ERLIN2: variants seen among roughly 807,000 people sequenced by gnomAD.
The protein encoded by ERLIN2 is ER lipid raft associated 2.
In ERLIN2, 22 loss-of-function variants were observed where a neutral mutation model predicts 41.5. The ratio of observed to expected loss-of-function variants is 0.53; its 90% confidence interval spans 0.38 to 0.76. ERLIN2 has a LOEUF of 0.76. ERLIN2 is among the 30% of genes least tolerant of loss of function. The pLI, the probability that ERLIN2 is intolerant of heterozygous loss-of-function variation, is 0.00. For missense variants in ERLIN2, 247 were observed against 414.3 expected (o/e 0.60, Z 3.51); for synonymous variants, 149 against 150.9 (o/e 0.99, Z 0.09).
intron 9 of ERLIN2, among the ~76,000 whole-genome samples, chr8:37,751,343 G>C (rs1803214130): frequency 6.6e-6 from 1 of 152,232 alleles, no homozygotes; most frequent in Non-Finnish European, 1.5e-5. Flanking sequence ...AACCCTACTA[G>C]AGTACTTCAT....
At chr8:37,745,356 T>A (rs1051785077) in intron 6 of ERLIN2, 1 of 587,126 alleles carries the variant, frequency 1.7e-6, no homozygotes, top group Non-Finnish European at 3.0e-6. Context: ...ACAAAAAGAT[T>A]CCACGTGCCT....
At chr8:37,744,473 C>T (rs1014594317) in intron 5 of ERLIN2, 57 bp downstream of exon 5, 40 of 1,605,066 alleles carry the variant, frequency 2.5e-5, no homozygotes, top group East Asian at 1.8e-4. Context: ...ATGCCACTCC[C>T]GTGTCTGTTG....
At chr8:37,743,058 ACT>A (rs1386909406) in intron 4 of ERLIN2, among the ~76,000 whole-genome samples, 2 of 152,114 alleles carry the variant, frequency 1.3e-5, no homozygotes, top group African/African-American at 2.4e-5. Flanking sequence ...ACAAAGAAAC[ACT>A]CTGACAAATC....
intron 4 of ERLIN2, among the ~76,000 whole-genome samples, chr8:37,742,449 T>C (rs1008983467): frequency 2.6e-5 from 4 of 151,670 alleles, no homozygotes; most frequent in Non-Finnish European, 4.4e-5. Flanking sequence ...GTGATACATA[T>C]ATACTATGGA....
At chr8:37,746,494 T>G (rs1803055363) in intron 6 of ERLIN2, 1 of 979,754 alleles carries the variant, frequency 1.0e-6, no homozygotes, top group African/African-American at 1.8e-5. Context: ...AAATAATACC[T>G]ATGTATACAA....
chr8:37,737,541 T>C, intron 1 of ERLIN2: 1 of 302,918 alleles, frequency 3.3e-6, no homozygotes, highest in Non-Finnish European at 6.4e-6. Flanking sequence ...TGGGCCAAAG[T>C]ACTGCAGCTG....
At chr8:37,747,956 G>A (rs1803111561) in intron 6 of ERLIN2, 7 of 1,613,992 alleles carry the variant, frequency 4.3e-6, no homozygotes, top group Admixed American at 1.7e-5. Context: ...TATTCCTCCC[G>A]GTCCCGAGTG....
At chr8:37,750,731 T>C (rs1209715457) in intron 9 of ERLIN2, among the ~76,000 whole-genome samples, 1 of 152,152 alleles carries the variant, frequency 6.6e-6, no homozygotes, top group Non-Finnish European at 1.5e-5. Flanking sequence ...TCTTTCTTTT[T>C]TTTTTCTTTT....
At chr8:37,737,537 A>C (rs1308391681) in intron 1 of ERLIN2, 1 of 281,966 alleles carries the variant, frequency 3.5e-6, no homozygotes, top group East Asian at 8.8e-5. Flanking sequence ...AATTTGGGCC[A>C]AAGTACTGCA....
intron 10 of ERLIN2, among the ~76,000 whole-genome samples, chr8:37,752,087 A>G (rs1482291392): frequency 6.6e-6 from 1 of 152,158 alleles, no homozygotes; most frequent in Non-Finnish European, 1.5e-5. Flanking sequence ...TGCCTTAGCT[A>G]CTTCTGCTCC....
intron 6 of ERLIN2, chr8:37,745,638 A>T (rs369043316): frequency 6.2e-7 from 1 of 1,613,954 alleles, no homozygotes; most frequent in African/African-American, 1.3e-5. Context: ...TTCATAGCAG[A>T]CAGGAGGACT....
intron 2 of ERLIN2, among the ~76,000 whole-genome samples, chr8:37,739,789 C>G (rs1802787100): frequency 6.6e-6 from 1 of 151,748 alleles, no homozygotes; most frequent in East Asian, 1.9e-4. Flanking sequence ...TCTAAGTATA[C>G]CCATGGATTC....
chr8:37,742,163 G>A (rs1205423921), intron 4 of ERLIN2, among the ~76,000 whole-genome samples: 2 of 151,994 alleles, frequency 1.3e-5, no homozygotes, highest in Non-Finnish European at 2.9e-5. Context: ...CCAACATGGT[G>A]AAACCCCGTC....
intron 10 of ERLIN2, among the ~76,000 whole-genome samples, chr8:37,752,589 C>T (rs1803247303): frequency 6.6e-6 from 1 of 152,222 alleles, no homozygotes. Context: ...CTGCAGGTTC[C>T]TTCCACGCGG....
chr8:37,746,022 T>G, intron 6 of ERLIN2: 1 of 1,009,498 alleles, frequency 9.9e-7, no homozygotes, highest in Non-Finnish European at 1.2e-6. Flanking sequence ...ACTTCTTACT[T>G]TCTTACAGCT....
At position 37,753,789 on chromosome 8, in the gene ERLIN2, A is replaced by G. The variant is rs950740358; in HGVS notation, c.820-126A>G. ...ATCTGAGATGACTGTCTCTTACAGA[A>G]ATGTAACAATGAGACCACAAAAAGT... On this transcript the variant is annotated intron_variant, in intron 11 of 11. Transcript: ENST00000519638. The G allele has an allele frequency of 7.0e-6, 6 of 862,108 alleles. No homozygotes were observed. In the African/African-American group the frequency reaches 1.0e-4, roughly 14 times the overall value. 53.4% of individuals were successfully genotyped at this position (862,108 alleles called of 1,614,324 possible). A position where few individuals can be genotyped will look rare whatever the true frequency, so the allele number is the denominator to read the frequency against.
intron 3 of ERLIN2, 108 bp downstream of exon 3, chr8:37,740,554 G>A: frequency 1.6e-6 from 1 of 635,690 alleles, no homozygotes; most frequent in Non-Finnish European, 3.0e-6. Flanking sequence ...CCATTCTAGA[G>A]AATGATATAA....
chr8:37,740,401 T>C lies in ERLIN2; in HGVS notation c.144T>C (p.Gly48=), dbSNP rs769021055. Residue 48 remains glycine, a synonymous_variant, in exon 3 of 12, where the codon GGT becomes GGC. Transcript: ENST00000519638. ...TGCTGACTTCGACCAGCGGCCCTGGTTTCCATCTCATGCTCCCTTTCATCA... is the reference window on the plus strand; with the variant it reads ...TGCTGACTTCGACCAGCGGCCCTGGCTTCCATCTCATGCTCCCTTTCATCA... ...GALLTSTSGP[G]FHLMLPFITS... is the part of the protein sequence containing the mutation. The C allele has an allele frequency of 1.6e-5, 26 of 1,613,018 alleles. No individual in the cohort carries two copies. Among genetic ancestry groups the C allele is most frequent in the Non-Finnish European group, 5.1e-6 (6 of 1,179,440 alleles).
intron 6 of ERLIN2, chr8:37,745,931 T>C: frequency 9.1e-7 from 1 of 1,100,442 alleles, no homozygotes. Flanking sequence ...ACATGAACAT[T>C]TCAAAGCACT....
Sources: allele counts gnomAD v4.1 joint callset (sites outside exome capture counted in the v4.1 genomes callset), GRCh38; gene constraint gnomAD v4.1.1; transcripts MANE v1.5; gene names NCBI Gene and HGNC (gene_info 2026-07-23, HGNC 2026-07-21).